Variants in PHF20 observed in about 807,000 individuals in gnomAD.
PHF20 encodes PHD finger protein 20.
In PHF20, 23 loss-of-function variants were observed where a neutral mutation model predicts 113.5. The observed-to-expected ratio is 0.20, with a 90% CI of 0.15 to 0.29. The LOEUF (loss-of-function observed/expected upper bound fraction) is 0.29. Among genes scored for constraint, PHF20 ranks in the 10% least tolerant of loss-of-function variants. PHF20 has a pLI of 1.00. For synonymous variants in PHF20, 434 were observed against 457.3 expected (o/e 0.95, Z 0.65); for missense variants, 943 against 1,219.6 (o/e 0.77, Z 3.38).
chr20:35,788,178 G>A (rs1229155029), intron 1 of PHF20, among the ~76,000 whole-genome samples: 1 of 149,314 alleles, frequency 6.7e-6, no homozygotes, highest in African/African-American at 2.5e-5. Flanking sequence ...CTCACTGCAA[G>A]CTCCGCCTCC....
chr20:35,862,644 G>A (rs1351753161), intron 5 of PHF20, among the ~76,000 whole-genome samples: 1 of 152,140 alleles, frequency 6.6e-6, no homozygotes, highest in Non-Finnish European at 1.5e-5. Context: ...TGAGATGGGA[G>A]GATCGCTTGG....
At chr20:35,882,118 A>G (rs762553396) in intron 9 of PHF20, among the ~76,000 whole-genome samples, 1 of 152,234 alleles carries the variant, frequency 6.6e-6, no homozygotes, top group African/African-American at 2.4e-5. Context: ...TATTTTTTCC[A>G]TAAGAATTGT....
intron 9 of PHF20, among the ~76,000 whole-genome samples, chr20:35,893,894 G>A (rs1236051337): frequency 6.6e-6 from 1 of 152,208 alleles, no homozygotes; most frequent in East Asian, 1.9e-4. Context: ...GGGATTACAG[G>A]CATGAGCCAC....
intron 16 of PHF20, among the ~76,000 whole-genome samples, chr20:35,940,322 A>C (rs944004058): frequency 6.6e-6 from 1 of 152,178 alleles, no homozygotes; most frequent in Non-Finnish European, 1.5e-5. Flanking sequence ...CAGGGCTAAC[A>C]GTCTTTTCCA....
intron 1 of PHF20, among the ~76,000 whole-genome samples, chr20:35,776,016 C>G (rs1044889202): frequency 6.6e-6 from 1 of 152,106 alleles, no homozygotes; most frequent in Non-Finnish European, 1.5e-5. Context: ...TGCCATTTTG[C>G]CCAGGTTGGT....
chr20:35,834,297 G>T (rs2042403328), intron 2 of PHF20, among the ~76,000 whole-genome samples: 1 of 136,474 alleles, frequency 7.3e-6, no homozygotes, highest in African/African-American at 2.8e-5. Flanking sequence ...TTGTTTCCCA[G>T]TCTGGAGTGC....
At chr20:35,848,928 C>T (rs527568733) in intron 4 of PHF20, among the ~76,000 whole-genome samples, 100 of 151,682 alleles carry the variant, frequency 6.6e-4, no homozygotes, top group African/African-American at 2.3e-3. Context: ...GGGAGAGTCT[C>T]GAGGCTATGA....
At chr20:35,847,561 G>A (rs1451877347) in intron 4 of PHF20, 127 bp downstream of exon 4, 20 of 604,544 alleles carry the variant, frequency 3.3e-5, no homozygotes, top group African/African-American at 9.4e-5. Flanking sequence ...CTTTATTCAA[G>A]TTAATCACTA....
rs1160399840 is a variant in PHF20, at chr20:35,899,550, G to A, written c.1463G>A (p.Ser488Asn). ...GMEKSLEPEE[S>N]PGKRHVQTRG... ...GAGAAGTCACTGGAGCCAGAAGAGA[G>A]CCCGGGAAAGAGGCATGTCCAAACC... The change falls in exon 10 of 18, where the codon AGC becomes AAC. Residue 488 changes from serine to asparagine, a missense_variant. This residue lies in a region of PHF20 where 592 missense variants were observed against 787.2 expected (regional missense o/e 0.75). Coordinates refer to ENST00000374012, the MANE Select transcript of PHF20 (RefSeq NM_016436.5). The A allele has an allele frequency of 1.2e-6, 2 of 1,614,096 alleles. No homozygotes were observed. Among genetic ancestry groups the A allele is most frequent in the Non-Finnish European group, 1.7e-6 (2 of 1,179,982 alleles).
At chr20:35,853,813 G>T (rs1399804895) in intron 4 of PHF20, among the ~76,000 whole-genome samples, 1 of 150,438 alleles carries the variant, frequency 6.6e-6, no homozygotes, top group Non-Finnish European at 1.5e-5. Context: ...GGAGTGCAGT[G>T]GCGCGATGTC....
chr20:35,937,159 A>T (rs1050284584), intron 15 of PHF20, among the ~76,000 whole-genome samples: 1 of 152,064 alleles, frequency 6.6e-6, no homozygotes, highest in Admixed American at 6.6e-5. Flanking sequence ...TTATCTAAAG[A>T]GTCAAGTTAT....
chr20:35,899,012 G>C (rs1191548704), intron 9 of PHF20, among the ~76,000 whole-genome samples: 1 of 152,108 alleles, frequency 6.6e-6, no homozygotes. Flanking sequence ...GCCTCCCAAA[G>C]TACTAGGATT....
At chr20:35,942,161 G>T (rs1409974808) in intron 17 of PHF20, among the ~76,000 whole-genome samples, 1 of 152,100 alleles carries the variant, frequency 6.6e-6, no homozygotes, top group East Asian at 1.9e-4. Context: ...CCAGCTACTT[G>T]GGAGGCTGAG....
At chr20:35,848,323 AGTGGT>A (rs1439878735) in intron 4 of PHF20, among the ~76,000 whole-genome samples, 1 of 151,704 alleles carries the variant, frequency 6.6e-6, no homozygotes, top group Non-Finnish European at 1.5e-5. Flanking sequence ...GCTGGAGTGC[AGTGGT>A]GCCAGCTCAG....
In PHF20 at chr20:35,832,254, C is replaced by T. The variant is rs569096433; in HGVS notation, c.84-10319C>T. 3.3e-5 allele frequency among the ~76,000 whole-genome samples: 5 copies of T among 152,276 alleles called. No individual in the cohort carries two copies. In the East Asian group the frequency reaches 7.7e-4, roughly 23 times the overall value. The stretch of plus-strand genomic sequence containing the variant: ...TCTTGGGCCCTCCTCTCACTCGATC[C>T]CCTTCCTCTCCCTCTCCCCTTTTGC... On this transcript the variant is annotated intron_variant, in intron 2 of 17. Transcript: ENST00000374012.
Position 35,871,823 on chromosome 20 carries a change from G to A in PHF20, c.1276G>A (p.Val426Met). Residue 426 changes from valine (V) to methionine (M), a missense_variant, in exon 9 of 18, where the codon GTG becomes ATG. This residue lies in a region of PHF20 where 592 missense variants were observed against 787.2 expected (regional missense o/e 0.75). Coordinates refer to ENST00000374012, the MANE Select transcript of PHF20 (RefSeq NM_016436.5). ...PLVELQEIST[V>M]EVTNTFKKTD... is the part of the protein sequence containing the mutation. ...TGTGGAATTACAAGAGATTTCGACTGTGGAAGGTTCATATTTAGAGTTAAA... is the reference window on the plus strand; with the variant it reads ...TGTGGAATTACAAGAGATTTCGACTATGGAAGGTTCATATTTAGAGTTAAA... 1.9e-6 allele frequency: 3 copies of A among 1,606,328 alleles called. No individual in the cohort carries two copies. Among genetic ancestry groups the A allele is most frequent in the Non-Finnish European group, 2.6e-6 (3 of 1,175,902 alleles).
chr20:35,944,827 A>G (rs544099895), intron 17 of PHF20, among the ~76,000 whole-genome samples: 3 of 151,952 alleles, frequency 2.0e-5, no homozygotes, highest in South Asian at 4.2e-4. Context: ...TTGACCTCCC[A>G]AGGTGTTGGG....
At chr20:35,914,301 CAAAT>C in intron 12 of PHF20, 104 bp downstream of exon 12, 1 of 1,092,650 alleles carries the variant, frequency 9.2e-7, no homozygotes, top group Non-Finnish European at 1.3e-6. Context: ...TACAATAAAA[CAAAT>C]AAAGCTAGTC....
At chr20:35,919,173 C>T (rs1003980659) in intron 13 of PHF20, among the ~76,000 whole-genome samples, 13 of 151,568 alleles carry the variant, frequency 8.6e-5, no homozygotes, top group East Asian at 1.9e-4. Flanking sequence ...TGTGCTACCA[C>T]GCCCGGCTAA....
Sources: allele counts gnomAD v4.1 joint callset (sites outside exome capture counted in the v4.1 genomes callset), GRCh38; gene constraint gnomAD v4.1.1; regional missense constraint gnomAD v4.1.1; transcripts MANE v1.5; gene names NCBI Gene and HGNC (gene_info 2026-07-23, HGNC 2026-07-21).